The following SLC15A5 variants were observed in gnomAD, a reference collection of about 807,000 sequenced individuals.
SLC15A5 encodes Peptide/histidine transporter ENSP00000340402.
In SLC15A5, 58 loss-of-function variants were observed where a neutral mutation model predicts 56.1. The ratio of observed to expected loss-of-function variants is 1.03; its 90% CI spans 0.84 to 1.29. The LOEUF is 1.29. Ranked by LOEUF, SLC15A5 falls within the 50% of genes most tolerant of loss-of-function variation. SLC15A5 has a pLI of 0.00. For synonymous variants in SLC15A5, 264 were observed against 250.5 expected, an observed-to-expected ratio of 1.05 and a Z score of -0.51; for missense variants, 681 against 672.1, an observed-to-expected ratio of 1.01 and a Z score of -0.15.
intron 7 of SLC15A5, among the ~76,000 whole-genome samples, chr12:16,202,696 T>C (rs1367203793): frequency 6.6e-6 from 1 of 152,134 alleles, no homozygotes; most frequent in African/African-American, 2.4e-5. Context: ...TCACAATAGC[T>C]AAGATATGAA....
chr12:16,252,457 A>G (rs570504807), intron 3 of SLC15A5, among the ~76,000 whole-genome samples: 2 of 152,252 alleles, frequency 1.3e-5, no homozygotes, highest in East Asian at 3.9e-4. Flanking sequence ...GGAGTTCAGC[A>G]GTTTCAGAAT....
chr12:16,194,189 C>T (rs1863872485), intron 8 of SLC15A5, among the ~76,000 whole-genome samples, 156 bp downstream of exon 8: 1 of 151,938 alleles, frequency 6.6e-6, no homozygotes, highest in Non-Finnish European at 1.5e-5. Context: ...AAGTGAAGTT[C>T]CAAATTGAAA....
chr12:16,258,222 A>G (rs1217920894), intron 2 of SLC15A5, among the ~76,000 whole-genome samples: 3 of 152,212 alleles, frequency 2.0e-5, no homozygotes, highest in Non-Finnish European at 2.9e-5. Context: ...TAAAGAAGCT[A>G]TAGACAACAC....
intron 7 of SLC15A5, among the ~76,000 whole-genome samples, chr12:16,199,053 A>G (rs942309733): frequency 1.3e-5 from 2 of 151,790 alleles, no homozygotes; most frequent in African/African-American, 4.8e-5. Context: ...CCGGGTCTCA[A>G]CCTAAGACGT....
chr12:16,229,268 A>C (rs147520421), intron 5 of SLC15A5, among the ~76,000 whole-genome samples: 1,654 of 152,276 alleles, frequency 0.011, 8 homozygotes, highest in Middle Eastern at 0.017. Flanking sequence ...TTGTTACTTC[A>C]GTCTAATTGC....
rs551124158 is a variant in SLC15A5 at position 16,237,095 on chromosome 12, A to G, written c.1162+2586T>C. Reference sequence around the variant, plus strand: ...GTTCATTCATAATTCATATACCTATATACTTCACCCACATTTTCAGGCACT... The same window carrying G: ...GTTCATTCATAATTCATATACCTATGTACTTCACCCACATTTTCAGGCACT... On this transcript the variant is annotated intron_variant, in intron 5 of 8. Coordinates refer to ENST00000344941, the MANE Select transcript of SLC15A5 (RefSeq NM_001170798.1). This position sits in a 1 kb window ranked among gnomAD's most constrained non-coding sequence, Gnocchi z 4.1. Among the ~76,000 whole-genome samples the G allele has an allele frequency of 3.3e-5, 5 of 152,286 alleles. No homozygotes were observed. The highest frequency in any genetic ancestry group is 1.9e-4 in the East Asian group (1 of 5,180).
rs200635829 is a variant in SLC15A5 at position 16,196,796 on chromosome 12, G to GA, written c.1484-2344dup. Among the ~76,000 whole-genome samples the GA allele has an allele frequency of 4.3e-4, 65 of 152,154 alleles. 2 individuals carry two copies. The East Asian group carries it at 0.013, about 30-fold the overall frequency. On this transcript the variant is annotated intron_variant, in intron 7 of 8. Coordinates refer to ENST00000344941, the MANE Select transcript of SLC15A5 (RefSeq NM_001170798.1). The surrounding 1 kb of genome is among the most constrained non-coding windows in gnomAD (Gnocchi z 4.0). ...TATTATAAGAGAGTCAGATGAGGAA[G>GA]AAGAATATAAATTCACTAAGATCTT...
intron 6 of SLC15A5, among the ~76,000 whole-genome samples, chr12:16,223,841 T>C (rs1864212604): frequency 6.1e-5 from 2 of 33,038 alleles, no homozygotes; most frequent in South Asian, 2.6e-3. Flanking sequence ...TCAGCCTCCT[T>C]GAGTAGCTGG....
Position 16,237,824 on chromosome 12 carries a change from AT to A in SLC15A5, c.1162+1856del, listed in dbSNP as rs981623325. On this transcript the variant is annotated intron_variant, in intron 5 of 8. Coordinates refer to ENST00000344941, the MANE Select transcript of SLC15A5 (RefSeq NM_001170798.1). This position sits in a 1 kb window ranked among gnomAD's most constrained non-coding sequence, Gnocchi z 4.1. The stretch of plus-strand genomic sequence containing the variant: ...GCTGAGATTTTTGGCATTTCACAAT[AT>A]GATTTTACTCCTATTTTGTCCTGCA... Among the ~76,000 whole-genome samples the A allele has an allele frequency of 8.5e-5, 13 of 152,182 alleles. No individual in the cohort carries two copies. Among genetic ancestry groups the A allele is most frequent in the Admixed American group, 3.3e-4 (5 of 15,276 alleles).
chr12:16,252,626 A>G (rs958595712), intron 3 of SLC15A5, among the ~76,000 whole-genome samples: 1 of 152,068 alleles, frequency 6.6e-6, no homozygotes, highest in East Asian at 1.9e-4. Flanking sequence ...AATGGAAACT[A>G]TAAAACTTTA....
In SLC15A5 at chr12:16,235,603, C is replaced by A. The variant is rs575121556; in HGVS notation, c.1162+4078G>T. ...GTGCTTATATCAAACAAATGTGCAA[C>A]CGAATGAATGACTTATTCAGGCTAG... On this transcript the variant is annotated intron_variant, in intron 5 of 8. Transcript: ENST00000344941. This position sits in a 1 kb window ranked among gnomAD's most constrained non-coding sequence, Gnocchi z 4.1. Among the ~76,000 whole-genome samples the A allele has an allele frequency of 2.6e-5, 4 of 152,162 alleles. No individual in the cohort carries two copies. The highest frequency in any genetic ancestry group is 9.6e-5 in the African/African-American group (4 of 41,550).
At chr12:16,275,720 G>C (rs1436355390) in intron 1 of SLC15A5, among the ~76,000 whole-genome samples, 2 of 152,012 alleles carry the variant, frequency 1.3e-5, no homozygotes, top group Non-Finnish European at 2.9e-5. Flanking sequence ...GTTGACTTAA[G>C]TCTTTTGTTT....
intron 3 of SLC15A5, among the ~76,000 whole-genome samples, chr12:16,247,600 A>G (rs980943180): frequency 6.6e-6 from 1 of 152,124 alleles, no homozygotes; most frequent in African/African-American, 2.4e-5. Flanking sequence ...GTATGAACTG[A>G]GGATTAAATG....
At chr12:16,193,316 T>C (rs4381413) in intron 8 of SLC15A5, among the ~76,000 whole-genome samples, 72,862 of 151,572 alleles carry the variant, frequency 0.48, 17,948 homozygotes, top group South Asian at 0.72. Flanking sequence ...TTCAGGGAGC[T>C]ATTAAGGCTT....
At chr12:16,214,037 A>G (rs940054344) in intron 7 of SLC15A5, among the ~76,000 whole-genome samples, 2 of 152,218 alleles carry the variant, frequency 1.3e-5, no homozygotes, top group Non-Finnish European at 2.9e-5. Context: ...CTGGTTTCAG[A>G]ATGCTGAGAG....
intron 2 of SLC15A5, among the ~76,000 whole-genome samples, chr12:16,262,467 A>C (rs918314878): frequency 6.6e-6 from 1 of 152,184 alleles, no homozygotes; most frequent in African/African-American, 2.4e-5. Context: ...TGGAATTTTA[A>C]AAATTGTAAT....
At chr12:16,242,013 T>C (rs1385703493) in intron 4 of SLC15A5, among the ~76,000 whole-genome samples, 1 of 152,220 alleles carries the variant, frequency 6.6e-6, no homozygotes, top group Non-Finnish European at 1.5e-5. Flanking sequence ...CCTTTGAGTA[T>C]TCAGAAATAA....
chr12:16,272,899 A>G, intron 1 of SLC15A5, 116 bp from the exon 2 acceptor site: 1 of 907,366 alleles, frequency 1.1e-6, no homozygotes, highest in Non-Finnish European at 1.7e-6. Context: ...GTCTTATCCA[A>G]ACATTTATGG....
chr12:16,218,421 A>C (rs778643950), intron 6 of SLC15A5, among the ~76,000 whole-genome samples: 7 of 152,176 alleles, frequency 4.6e-5, no homozygotes, highest in Non-Finnish European at 1.0e-4. Flanking sequence ...TGCGTGGCTT[A>C]ATGAGGGAGA....
Sources: allele counts gnomAD v4.1 joint callset (sites outside exome capture counted in the v4.1 genomes callset), GRCh38; gene constraint gnomAD v4.1.1; non-coding constraint Gnocchi (gnomAD v3.1); transcripts MANE v1.5; gene names NCBI Gene and HGNC (gene_info 2026-07-23, HGNC 2026-07-21).